CHSY3: variants seen among roughly 807,000 people sequenced by gnomAD.
CHSY3 encodes N-acetylgalactosaminyl-proteoglycan 3-beta-glucuronosyltransferase 3.
CHSY3 carries 35 observed loss-of-function variants against 67.2 expected under a neutral mutation model. The observed-to-expected ratio is 0.52, with a 90% CI of 0.40 to 0.69. CHSY3 has a LOEUF of 0.69. Ranked by LOEUF, CHSY3 falls within the 30% of genes least tolerant of loss-of-function variation. CHSY3 has a pLI of 0.00. For missense variants in CHSY3, 1,069 were observed against 1,138.5 expected (o/e 0.94, Z 0.88); for synonymous variants, 474 against 434.7 (o/e 1.09, Z -1.12).
intron 2 of CHSY3, among the ~76,000 whole-genome samples, chr5:130,151,500 C>T (rs1358411851): frequency 2.0e-5 from 3 of 152,196 alleles, no homozygotes; most frequent in Non-Finnish European, 4.4e-5. Context: ...GTGCTGGGAA[C>T]GTGGCTGTTG....
chr5:130,038,698 C>G (rs1040802058), intron 2 of CHSY3, among the ~76,000 whole-genome samples: 2 of 152,088 alleles, frequency 1.3e-5, no homozygotes, highest in Non-Finnish European at 2.9e-5. Flanking sequence ...TTAGTTTTCT[C>G]TGCTTTACAT....
chr5:130,091,971 G>A (rs145987302), intron 2 of CHSY3, among the ~76,000 whole-genome samples: 10 of 152,252 alleles, frequency 6.6e-5, no homozygotes, highest in African/African-American at 2.2e-4. Context: ...GGAGTCCACA[G>A]AGAGAGACAA....
intron 2 of CHSY3, among the ~76,000 whole-genome samples, chr5:130,036,478 T>A (rs550435516): frequency 1.2e-4 from 19 of 152,270 alleles, no homozygotes; most frequent in African/African-American, 4.6e-4. Flanking sequence ...GTAAATGCTC[T>A]CCCTTTTAAA....
intron 2 of CHSY3, among the ~76,000 whole-genome samples, chr5:130,012,460 T>G (rs1404006010): frequency 6.6e-6 from 1 of 152,164 alleles, no homozygotes; most frequent in Non-Finnish European, 1.5e-5. Context: ...CTACTGTGAC[T>G]TAGACTAGGT....
At position 130,047,817 on chromosome 5, in the gene CHSY3, C is replaced by T. The variant is rs150792812; in HGVS notation, c.1087-136412C>T. On this transcript the variant is annotated intron_variant, in intron 2 of 2. Transcript: ENST00000305031. Reference sequence around the variant, plus strand: ...ATACTATCATTGCATTATGTATATGCGAATATATGTTTTAACGAATTTTGT... The same window carrying T: ...ATACTATCATTGCATTATGTATATGTGAATATATGTTTTAACGAATTTTGT... 2.1e-4 allele frequency among the ~76,000 whole-genome samples: 32 copies of T among 151,348 alleles called. No individual in the cohort carries two copies. The East Asian group carries it at 4.1e-3, about 19-fold the overall frequency.
At chr5:129,921,483 C>T (rs1488781553) in intron 2 of CHSY3, among the ~76,000 whole-genome samples, 1 of 152,148 alleles carries the variant, frequency 6.6e-6, no homozygotes, top group Non-Finnish European at 1.5e-5. Context: ...CAATTTAAAA[C>T]ATATAATTTG....
intron 2 of CHSY3, among the ~76,000 whole-genome samples, chr5:129,983,107 GA>G (rs1346864826): frequency 2.6e-5 from 4 of 151,984 alleles, no homozygotes; most frequent in Non-Finnish European, 5.9e-5. Context: ...GTTATACTTT[GA>G]AAAACACTAT....
intron 1 of CHSY3, among the ~76,000 whole-genome samples, chr5:129,907,164 G>A (rs941156912): frequency 6.6e-6 from 1 of 152,168 alleles, no homozygotes; most frequent in Non-Finnish European, 1.5e-5. Context: ...TGCATTAACA[G>A]CACCTACTTC....
intron 2 of CHSY3, among the ~76,000 whole-genome samples, chr5:130,017,444 G>A (rs538805430): frequency 1.3e-5 from 2 of 152,210 alleles, no homozygotes; most frequent in East Asian, 1.9e-4. Context: ...CTGGTGTGGT[G>A]GTGGGATGGA....
At position 129,981,050 on chromosome 5, in the gene CHSY3, CAAAAA is replaced by C. The variant is rs71000945; in HGVS notation, c.1086+72707_1086+72711del. Among the ~76,000 whole-genome samples, 370 of 130,916 alleles carry C rather than the reference CAAAAA, an allele frequency of 2.8e-3. 1 individual carries two copies. Among genetic ancestry groups the C allele is most frequent in the African/African-American group, 6.3e-3 (221 of 35,206 alleles). The allele number at this position is 130,916 out of a possible 152,430, so 85.9% of individuals were successfully genotyped here. On this transcript the variant is annotated intron_variant, in intron 2 of 2. Transcript: ENST00000305031. ...TGAAACCCCGTCTCTACTGAAAATA[CAAAAA>C]AAAAAAAAAAAAAAAATTAGCCGGA...
At chr5:130,128,369 G>T (rs1768366175) in intron 2 of CHSY3, among the ~76,000 whole-genome samples, 1 of 151,996 alleles carries the variant, frequency 6.6e-6, no homozygotes, top group Non-Finnish European at 1.5e-5. Context: ...CCTGCCATTT[G>T]TGCTAACATG....
rs541916088 is a variant in CHSY3, at chr5:130,077,130, A to T, written c.1087-107099A>T. ...AAATAAAATTTAAGAAAAAAAATTT[A>T]AAAAAAAAAAGATTGTAAACTACGA... On this transcript the variant is annotated intron_variant, in intron 2 of 2. Transcript: ENST00000305031. Among the ~76,000 whole-genome samples the T allele has an allele frequency of 3.3e-3, 491 of 147,240 alleles. 2 individuals carry two copies. The highest frequency in any genetic ancestry group is 0.01 in the African/African-American group (421 of 40,216).
intron 2 of CHSY3, among the ~76,000 whole-genome samples, chr5:130,005,112 G>C (rs1450278753): frequency 2.0e-5 from 3 of 152,086 alleles, no homozygotes; most frequent in Non-Finnish European, 4.4e-5. Flanking sequence ...TTATCATTTA[G>C]ATAAGAAATC....
rs1019956356 is a variant in CHSY3, at chr5:129,904,622, A to T, written c.-208A>T. 4.7e-5 allele frequency: 37 copies of T among 779,386 alleles called. No homozygotes were observed. Among genetic ancestry groups the T allele is most frequent in the Non-Finnish European group, 5.6e-5 (33 of 586,796 alleles). The allele number at this position is 779,386 out of a possible 1,614,324, so 48.3% of individuals were successfully genotyped here. On this transcript the variant is annotated 5_prime_UTR_variant, in exon 1 of 3. Transcript: ENST00000305031. ...CGACCCTTGCTCGGAGCCCCGGCCCAGAGCTGAGCGGGAGCCCGGCAGGCA... is the reference window on the plus strand; with the variant it reads ...CGACCCTTGCTCGGAGCCCCGGCCCTGAGCTGAGCGGGAGCCCGGCAGGCA...
intron 2 of CHSY3, among the ~76,000 whole-genome samples, chr5:129,945,084 A>C (rs1474041170): frequency 3.3e-5 from 5 of 152,262 alleles, no homozygotes; most frequent in Admixed American, 3.3e-4. Context: ...ATTGGGAATT[A>C]AAATGAGCCT....
intron 2 of CHSY3, among the ~76,000 whole-genome samples, chr5:129,989,096 C>G (rs1301427087): frequency 6.6e-6 from 1 of 152,058 alleles, no homozygotes; most frequent in African/African-American, 2.4e-5. Context: ...TAACAGAATA[C>G]CACAGACTGG....
At chr5:129,979,199 C>CAAAA (rs58584381) in intron 2 of CHSY3, among the ~76,000 whole-genome samples, 80 of 62,498 alleles carry the variant, frequency 1.3e-3, no homozygotes, top group East Asian at 1.3e-3. Flanking sequence ...GACTCCGTCT[C>CAAAA]AAAAAAAAAA....
At chr5:130,132,643 T>C (rs1026570430) in intron 2 of CHSY3, among the ~76,000 whole-genome samples, 6 of 152,184 alleles carry the variant, frequency 3.9e-5, no homozygotes, top group African/African-American at 1.2e-4. Flanking sequence ...AATGACTTGA[T>C]TGATACAGAT....
At chr5:130,070,542 A>G (rs956920207) in intron 2 of CHSY3, among the ~76,000 whole-genome samples, 1 of 152,098 alleles carries the variant, frequency 6.6e-6, no homozygotes, top group Admixed American at 6.6e-5. Flanking sequence ...TTAAGTACAA[A>G]TGTTCAATTA....
Sources: gnomAD v4.1 joint callset for allele counts (sites outside exome capture counted in the v4.1 genomes callset) on GRCh38, gnomAD v4.1.1 for gene constraint, MANE v1.5 for transcripts, NCBI Gene and HGNC (gene_info 2026-07-23, HGNC 2026-07-21) for gene names.